TWIST2: variants seen among roughly 807,000 people sequenced by gnomAD.
TWIST2 encodes twist family bHLH transcription factor 2, also known as twist-related protein 2.
Under a neutral mutation model 11.6 loss-of-function variants are expected in TWIST2, and 1 was observed. The observed-to-expected ratio is 0.09, with a 90% CI of 0.03 to 0.41. The LOEUF (loss-of-function observed/expected upper bound fraction) is 0.41. Among genes scored for constraint, TWIST2 ranks in the 10% least tolerant of loss-of-function variants. The pLI is 0.98. For synonymous variants in TWIST2, 87 were observed against 96.6 expected (o/e 0.90, Z 0.58); for missense variants, 168 against 226.4 (o/e 0.74, Z 1.66).
intron 1 of TWIST2, among the ~76,000 whole-genome samples, chr2:238,859,573 CAAA>C (rs368480992): frequency 6.9e-6 from 1 of 144,994 alleles, no homozygotes. Flanking sequence ...CTACTATCAC[CAAA>C]AAAAAAAAAA....
chr2:238,882,163 C>A (rs1227895285), intron 1 of TWIST2, among the ~76,000 whole-genome samples: 2 of 152,162 alleles, frequency 1.3e-5, no homozygotes, highest in African/African-American at 2.4e-5. Context: ...CCTGTTCATA[C>A]ACCAAGCCCC....
At chr2:238,880,971 A>T in intron 1 of TWIST2, among the ~76,000 whole-genome samples, 1 of 86,850 alleles carries the variant, frequency 1.2e-5, no homozygotes, top group African/African-American at 4.5e-5. Flanking sequence ...TAGTGTTAGT[A>T]TTTATTAGTG....
intron 1 of TWIST2, among the ~76,000 whole-genome samples, chr2:238,869,889 A>T (rs1692614937): frequency 6.6e-6 from 1 of 152,024 alleles, no homozygotes; most frequent in African/African-American, 2.4e-5. Context: ...TTGAGGTTAC[A>T]GTGAGCTATG....
chr2:238,891,577 C>G (rs1693134874), intron 1 of TWIST2, among the ~76,000 whole-genome samples: 1 of 152,080 alleles, frequency 6.6e-6, no homozygotes, highest in South Asian at 2.1e-4. Flanking sequence ...CTTCCCCTGG[C>G]AGATCTAGGA....
intron 1 of TWIST2, among the ~76,000 whole-genome samples, chr2:238,881,508 T>C (rs1692930214): frequency 6.6e-6 from 1 of 152,024 alleles, no homozygotes. Context: ...TTAATGTTGG[T>C]GTTAGTATTT....
intron 1 of TWIST2, among the ~76,000 whole-genome samples, chr2:238,872,895 C>G (rs534366236): frequency 6.6e-6 from 1 of 152,342 alleles, no homozygotes; most frequent in East Asian, 1.9e-4. Context: ...GTTGCCCTCA[C>G]ATTTACTGAG....
intron 1 of TWIST2, among the ~76,000 whole-genome samples, chr2:238,868,845 C>A (rs371540774): frequency 6.6e-6 from 1 of 152,302 alleles, no homozygotes; most frequent in African/African-American, 2.4e-5. Flanking sequence ...GCGTGCCGGC[C>A]GGTGCAGGGG....
intron 1 of TWIST2, among the ~76,000 whole-genome samples, chr2:238,894,855 AC>A (rs1162342608): frequency 6.6e-6 from 1 of 152,176 alleles, no homozygotes; most frequent in Non-Finnish European, 1.5e-5. Context: ...TTTATTATGG[AC>A]CTTTTAATCT....
chr2:238,850,704 C>G (rs1692226925), intron 1 of TWIST2, among the ~76,000 whole-genome samples: 1 of 151,990 alleles, frequency 6.6e-6, no homozygotes, highest in Non-Finnish European at 1.5e-5. Flanking sequence ...AAAAACAGTG[C>G]CAAGAGCTTG....
intron 1 of TWIST2, among the ~76,000 whole-genome samples, chr2:238,859,552 T>C (rs1477158738): frequency 1.3e-5 from 2 of 149,462 alleles, no homozygotes; most frequent in Non-Finnish European, 3.0e-5. Flanking sequence ...TTTTATATTG[T>C]ATGTATCTTA....
At chr2:238,862,833 A>G in intron 1 of TWIST2, among the ~76,000 whole-genome samples, 1 of 152,196 alleles carries the variant, frequency 6.6e-6, no homozygotes, top group East Asian at 1.9e-4. Context: ...ATATGCTGGA[A>G]CACTATGCAG....
chr2:238,849,335 T>C (rs1343789377), intron 1 of TWIST2, among the ~76,000 whole-genome samples: 1 of 152,186 alleles, frequency 6.6e-6, no homozygotes, highest in Non-Finnish European at 1.5e-5. Context: ...CTCCAGGGTT[T>C]GCCTGGGGAG....
chr2:238,852,065 T>C (rs1416831216), intron 1 of TWIST2, among the ~76,000 whole-genome samples: 1 of 152,188 alleles, frequency 6.6e-6, no homozygotes, highest in Non-Finnish European at 1.5e-5. Context: ...CATGTTCTTG[T>C]CATCCTTGCT....
intron 1 of TWIST2, among the ~76,000 whole-genome samples, chr2:238,871,635 C>T (rs1056807001): frequency 7.7e-6 from 1 of 129,754 alleles, no homozygotes; most frequent in Non-Finnish European, 1.7e-5. Context: ...CCACCACACA[C>T]CCCACACACA....
At chr2:238,873,560 C>G (rs1432732160) in intron 1 of TWIST2, among the ~76,000 whole-genome samples, 1 of 152,154 alleles carries the variant, frequency 6.6e-6, no homozygotes, top group Non-Finnish European at 1.5e-5. Context: ...TGAGCGCACA[C>G]AAGAGCTACG....
intron 1 of TWIST2, among the ~76,000 whole-genome samples, chr2:238,856,552 C>T (rs182309053): frequency 1.3e-5 from 2 of 151,652 alleles, no homozygotes; most frequent in South Asian, 2.1e-4. Flanking sequence ...TTATGAAGGA[C>T]AAAATAAAAG....
chr2:238,907,024 A>G (rs1693364773), intron 1 of TWIST2, among the ~76,000 whole-genome samples: 1 of 152,200 alleles, frequency 6.6e-6, no homozygotes, highest in Non-Finnish European at 1.5e-5. Context: ...CCCTGTGGTG[A>G]GCAGTAAAGG....
At position 238,867,657 on chromosome 2, in the gene TWIST2, G is replaced by A. The variant is rs558255907; in HGVS notation, c.*35+18924G>A. 1.2e-4 allele frequency among the ~76,000 whole-genome samples: 19 copies of A among 152,300 alleles called. No homozygotes were observed. Among genetic ancestry groups the A allele is most frequent in the Admixed American group, 4.6e-4 (7 of 15,298 alleles). ...AGATTGAGATCACAGAGGGGTGGCC[G>A]AGGCTGGGGCACAGGCTGGATGCAA... On this transcript the variant is annotated intron_variant, in intron 1 of 1. Coordinates refer to ENST00000612363, the MANE Select transcript of TWIST2 (RefSeq NM_001271893.4). This position sits in a 1 kb window ranked among gnomAD's most constrained non-coding sequence, Gnocchi z 4.8.
At chr2:238,877,061 G>A (rs964241220) in intron 1 of TWIST2, among the ~76,000 whole-genome samples, 1 of 152,112 alleles carries the variant, frequency 6.6e-6, no homozygotes, top group African/African-American at 2.4e-5. Context: ...GCTGGGCGTG[G>A]TGGCGCTTAC....
Sources: gnomAD v4.1 joint callset for allele counts (sites outside exome capture counted in the v4.1 genomes callset) on GRCh38, gnomAD v4.1.1 for gene constraint, Gnocchi (gnomAD v3.1) non-coding constraint, MANE v1.5 for transcripts, NCBI Gene and HGNC (gene_info 2026-07-23, HGNC 2026-07-21) for gene names.